Variants in SLC44A1 observed in about 807,000 individuals in gnomAD.
SLC44A1 encodes the protein choline transporter-like protein 1.
SLC44A1 carries 26 observed loss-of-function variants against 79.3 expected under a neutral mutation model. That is an observed-to-expected ratio of 0.33 (90% CI 0.24 to 0.46). The LOEUF is 0.46. Ranked by LOEUF, SLC44A1 falls within the 20% of genes least tolerant of loss-of-function variation. The pLI, the probability that SLC44A1 is intolerant of heterozygous loss-of-function variation, is 1.00. For synonymous variants in SLC44A1, 263 were observed against 286.2 expected, an observed-to-expected ratio of 0.92 and a Z score of 0.82; for missense variants, 688 against 798.1, an observed-to-expected ratio of 0.86 and a Z score of 1.66.
Position 105,396,451 on chromosome 9 carries a change from G to T in SLC44A1, c.*7395G>T, listed in dbSNP as rs116509129. 9.6e-4 allele frequency: 944 copies of T among 985,396 alleles called. 7 individuals are homozygous for T. In the African/African-American group the frequency reaches 0.015, roughly 16 times the overall value. The allele number at this position is 985,396 out of a possible 1,614,324, so 61.0% of individuals were successfully genotyped here. The stretch of plus-strand genomic sequence containing the variant: ...ACCAAAGGTCCAACTTTACTTACTG[G>T]CTGGCACAGCCTTTCTGAACTCCTT... On this transcript the variant is annotated 3_prime_UTR_variant, in exon 16 of 16. Coordinates refer to ENST00000374720, the MANE Select transcript of SLC44A1 (RefSeq NM_080546.5).
chr9:105,298,756 A>G (rs1830796714), intron 1 of SLC44A1, among the ~76,000 whole-genome samples: 1 of 152,110 alleles, frequency 6.6e-6, no homozygotes, highest in Non-Finnish European at 1.5e-5. Context: ...CACAAAGAAA[A>G]AGCTAGCATT....
At chr9:105,351,632 G>GAAAGAAAGAAAGAA (rs768336417) in intron 5 of SLC44A1, among the ~76,000 whole-genome samples, 18 of 101,392 alleles carry the variant, frequency 1.8e-4, no homozygotes, top group South Asian at 1.1e-3. Flanking sequence ...GAGAGAGAAA[G>GAAAGAAAGAAAGAA]AGAAAGAAAG....
intron 15 of SLC44A1, among the ~76,000 whole-genome samples, chr9:105,435,967 G>C (rs937295584): frequency 6.6e-6 from 1 of 152,230 alleles, no homozygotes; most frequent in Non-Finnish European, 1.5e-5. Context: ...GGAGGCCAAG[G>C]CCTGCGGACC....
chr9:105,268,745 C>T (rs957879825), intron 1 of SLC44A1, among the ~76,000 whole-genome samples: 7 of 139,774 alleles, frequency 5.0e-5, no homozygotes, highest in East Asian at 2.0e-4. Flanking sequence ...GTGATCCGCC[C>T]GCCTTGGCCT....
In SLC44A1 at chr9:105,390,206, T is replaced by G. The variant is rs1828728068; in HGVS notation, c.*1150T>G. The G allele has an allele frequency of 8.7e-7, 1 of 1,142,948 alleles. No individual in the cohort carries two copies. Among genetic ancestry groups the G allele is most frequent in the Non-Finnish European group, 1.1e-6 (1 of 930,912 alleles). 70.8% of individuals were successfully genotyped at this position (1,142,948 alleles called of 1,614,324 possible). On this transcript the variant is annotated 3_prime_UTR_variant, in exon 16 of 16. Transcript: ENST00000374720. ...TTGGGGTTTTTTGCTTTTTTATTCC[T>G]GAAGCTTACCAGATATGAATGGCTA...
rs907260445 is a variant in SLC44A1 at position 105,390,273 on chromosome 9, G to GA, written c.*1225dup. ...CTTGTTGTAATGGTGAATGCTTTAA[G>GA]AAAAAAAAGTGTAATTTGCTAAGAA... On this transcript the variant is annotated 3_prime_UTR_variant, in exon 16 of 16. Transcript: ENST00000374720. The GA allele has an allele frequency of 9.7e-6, 10 of 1,028,250 alleles. No individual in the cohort carries two copies. The highest frequency in any genetic ancestry group is 1.1e-4 in the Admixed American group (2 of 17,506). 63.7% of individuals were successfully genotyped at this position (1,028,250 alleles called of 1,614,324 possible). A position where few individuals can be genotyped will look rare whatever the true frequency, so the allele number is the denominator to read the frequency against.
At chr9:105,402,515 A>T (rs2131499666) in intron 15 of SLC44A1, among the ~76,000 whole-genome samples, 1 of 152,314 alleles carries the variant, frequency 6.6e-6, no homozygotes, top group East Asian at 1.9e-4. Flanking sequence ...TTTCTGTTCC[A>T]TGCTAACTGT....
At position 105,385,482 on chromosome 9, in the gene SLC44A1, T is replaced by G. The variant is rs3199966; in HGVS notation, c.1930T>G (p.Ser644Ala). ...AGCTGGTAAGGGAGGCGTCGCTGAT[T>G]CCAGAGAGCTAAAGCCGATGGTAGG... Reference protein sequence around the residue: ...KEAGKGGVADSRELKPMASGA... With the variant: ...KEAGKGGVADARELKPMASGA... The change falls in exon 15 of 16, where the codon TCC becomes GCC. Residue 644 changes from serine (S) to alanine (A), a missense_variant. Transcript: ENST00000374720. 0.11 allele frequency: 170,588 copies of G among 1,579,182 alleles called. 13,981 individuals carry two copies. The highest frequency in any genetic ancestry group is 0.43 in the African/African-American group (32,252 of 74,544).
intron 2 of SLC44A1, among the ~76,000 whole-genome samples, chr9:105,301,528 T>C (rs1830879514): frequency 6.6e-6 from 1 of 152,224 alleles, no homozygotes; most frequent in East Asian, 1.9e-4. Context: ...ATTTTTTGGC[T>C]TCTGAGTATT....
At chr9:105,345,267 A>G (rs757597755) in intron 4 of SLC44A1, among the ~76,000 whole-genome samples, 2 of 152,196 alleles carry the variant, frequency 1.3e-5, no homozygotes, top group South Asian at 2.1e-4. Flanking sequence ...AGGATGTAGT[A>G]TCTCTTGAAT....
chr9:105,314,185 A>G (rs1403543083), intron 3 of SLC44A1, among the ~76,000 whole-genome samples: 1 of 152,094 alleles, frequency 6.6e-6, no homozygotes, highest in African/African-American at 2.4e-5. Flanking sequence ...GTGTGGACTG[A>G]GCTGGGACAA....
chr9:105,275,205 G>T (rs74425369), intron 1 of SLC44A1, among the ~76,000 whole-genome samples: 1 of 152,228 alleles, frequency 6.6e-6, no homozygotes, highest in South Asian at 2.1e-4. Context: ...GTATTAGGGA[G>T]GCCTATCTCA....
At chr9:105,402,975 CTT>C (rs780060821) in intron 15 of SLC44A1, among the ~76,000 whole-genome samples, 2 of 66,378 alleles carry the variant, frequency 3.0e-5, no homozygotes, top group Non-Finnish European at 5.3e-5. Flanking sequence ...TCACACCCAG[CTT>C]TTTTTTTTTT....
chr9:105,320,543 T>C (rs1826360588), intron 3 of SLC44A1, among the ~76,000 whole-genome samples: 1 of 152,178 alleles, frequency 6.6e-6, no homozygotes, highest in Non-Finnish European at 1.5e-5. Context: ...ACATTTTGTA[T>C]TATGAGACTT....
chr9:105,319,398 C>T (rs1232509957), intron 3 of SLC44A1, among the ~76,000 whole-genome samples: 1 of 152,022 alleles, frequency 6.6e-6, no homozygotes, highest in African/African-American at 2.4e-5. Context: ...ACACGGAGTC[C>T]GAGCACAGTA....
chr9:105,372,962 A>G (rs544293311), intron 12 of SLC44A1, among the ~76,000 whole-genome samples: 2 of 151,978 alleles, frequency 1.3e-5, no homozygotes, highest in Non-Finnish European at 2.9e-5. Context: ...AAAAAAAAAA[A>G]AAAGAACCAC....
chr9:105,265,584 T>G (rs1829943498), intron 1 of SLC44A1, among the ~76,000 whole-genome samples: 1 of 152,242 alleles, frequency 6.6e-6, no homozygotes, highest in Non-Finnish European at 1.5e-5. Flanking sequence ...AAAGCTCCTG[T>G]GAACACTTCT....
chr9:105,369,924 C>T (rs1201390613), intron 12 of SLC44A1, among the ~76,000 whole-genome samples: 1 of 152,246 alleles, frequency 6.6e-6, no homozygotes, highest in Non-Finnish European at 1.5e-5. Flanking sequence ...ATTGCGTAGG[C>T]TAACAGGCAT....
rs147203232 is a variant in SLC44A1 at position 105,438,130 on chromosome 9, C to CTG, written c.1951-129_1951-128dup. 3,200 of 493,974 alleles carry CTG rather than the reference C, an allele frequency of 6.5e-3. 11 individuals are homozygous for CTG. Among genetic ancestry groups the CTG allele is most frequent in the South Asian group, 0.016 (368 of 23,304 alleles). 30.6% of individuals were successfully genotyped at this position (493,974 alleles called of 1,614,324 possible). ...CAGATATCTTTTTAAATTTGTTAAT[C>CTG]TGTGTGTGTGTGTGTGTGTGTGTAG... On this transcript the variant is annotated intron_variant, in intron 15 of 15. Coordinates refer to the SLC44A1 transcript ENST00000374724.
Sources: gnomAD v4.1 joint callset for allele counts (sites outside exome capture counted in the v4.1 genomes callset) on GRCh38, gnomAD v4.1.1 for gene constraint, MANE v1.5 for transcripts, NCBI Gene and HGNC (gene_info 2026-07-23, HGNC 2026-07-21) for gene names.